Variants in CCDC68 observed in about 807,000 individuals in gnomAD.
CCDC68 encodes coiled-coil domain containing 68.
Under a neutral mutation model 47.1 loss-of-function variants are expected in CCDC68, and 45 were observed. That is an observed-to-expected ratio of 0.96 (90% CI 0.75 to 1.23). CCDC68 has a LOEUF of 1.23. Ranked by LOEUF, CCDC68 falls within the 50% of genes most tolerant of loss-of-function variation. CCDC68 has a pLI of 0.00. For synonymous variants in CCDC68, 131 were observed against 129.5 expected (o/e 1.01, Z -0.08); for missense variants, 353 against 373.6 (o/e 0.94, Z 0.45).
At position 54,942,733 on chromosome 18, in the gene CCDC68, G is replaced by C. The variant is rs776442174; in HGVS notation, c.59C>G (p.Ser20Cys). The change falls in exon 3 of 12, where the codon TCT (serine) becomes TGT (cysteine). Residue 20 changes from serine to cysteine, a missense_variant. Physicochemically the swap from Ser to Cys is moderately radical, Grantham distance 112 (BLOSUM62 -1). Coordinates refer to ENST00000591504, the MANE Select transcript of CCDC68 (RefSeq NM_025214.3). ...AGCGGACGTAGACTCATACAAGGCA[G>C]AATTATCTTCCATCTTATCCCTTGG... ...IPPRDKMEDN[S>C]ALYESTSAHI... 2 of 1,612,522 alleles carry C rather than the reference G, an allele frequency of 1.2e-6. No individual in the cohort carries two copies. The highest frequency in any genetic ancestry group is 1.7e-6 in the Non-Finnish European group (2 of 1,179,238).
chr18:54,950,895 G>GTTT (rs2044605082), intron 1 of CCDC68, among the ~76,000 whole-genome samples: 2 of 82,142 alleles, frequency 2.4e-5, no homozygotes, highest in Non-Finnish European at 4.6e-5. Flanking sequence ...AAATTCAGAT[G>GTTT]TCTTTTTTTT....
intron 11 of CCDC68, among the ~76,000 whole-genome samples, chr18:54,905,209 G>C (rs1348905823): frequency 2.6e-5 from 4 of 151,638 alleles, no homozygotes; most frequent in Non-Finnish European, 5.9e-5. Context: ...AGCTATGATT[G>C]CACTGCTGCA....
chr18:54,940,926 T>C (rs1430254499), intron 4 of CCDC68, 71 bp downstream of exon 4: 1 of 1,043,692 alleles, frequency 9.6e-7, no homozygotes, highest in African/African-American at 1.6e-5. Context: ...TCAAAGAAGT[T>C]AGTAATTGCC....
chr18:54,957,638 C>CTCAT (rs1269031204), intron 1 of CCDC68, among the ~76,000 whole-genome samples: 1 of 151,310 alleles, frequency 6.6e-6, no homozygotes, highest in African/African-American at 2.4e-5. Flanking sequence ...CTCTCTCTCT[C>CTCAT]TCTCTCTCTC....
rs1913852827 is a variant in CCDC68 at position 54,904,274 on chromosome 18, A to AT, written c.*83dup. 1.8e-6 allele frequency: 2 copies of AT among 1,101,392 alleles called. No homozygotes were observed. The highest frequency in any genetic ancestry group is 2.7e-5 in the South Asian group (2 of 75,298). 68.2% of individuals were successfully genotyped at this position (1,101,392 alleles called of 1,614,324 possible). The stretch of plus-strand genomic sequence containing the variant: ...TCCATTTAAATAATGGCATTTTGCC[A>AT]TTTTAACATGAAACTTGGGCTGTGT... On this transcript the variant is annotated 3_prime_UTR_variant, in exon 12 of 12. Coordinates refer to ENST00000591504, the MANE Select transcript of CCDC68 (RefSeq NM_025214.3).
intron 1 of CCDC68, among the ~76,000 whole-genome samples, chr18:54,958,856 C>T (rs1490163475): frequency 1.3e-5 from 2 of 152,170 alleles, no homozygotes; most frequent in Non-Finnish European, 2.9e-5. Flanking sequence ...CTGCAGAAGC[C>T]CGCACAAATG....
chr18:54,955,952 G>C (rs1191099439), intron 1 of CCDC68, among the ~76,000 whole-genome samples: 1 of 150,874 alleles, frequency 6.6e-6, no homozygotes, highest in Non-Finnish European at 1.5e-5. Context: ...TCCAACTCCT[G>C]ACCTCAGGTG....
intron 8 of CCDC68, among the ~76,000 whole-genome samples, chr18:54,925,982 G>A (rs59023949): frequency 0.01 from 1,551 of 152,172 alleles, 35 homozygotes; most frequent in African/African-American, 0.035. Context: ...TTTCATTGGT[G>A]GTACCAAAGG....
intron 11 of CCDC68, among the ~76,000 whole-genome samples, chr18:54,907,388 G>GAGTTGACAACAT (rs1317475977): frequency 6.6e-6 from 1 of 152,052 alleles, no homozygotes; most frequent in Admixed American, 6.6e-5. Flanking sequence ...TAATTTATTA[G>GAGTTGACAACAT]AGTTGACAAC....
chr18:54,902,636 A>G lies in CCDC68; in HGVS notation c.*1722T>C, dbSNP rs1002863871. On this transcript the variant is annotated 3_prime_UTR_variant, in exon 12 of 12. Coordinates refer to ENST00000591504, the MANE Select transcript of CCDC68 (RefSeq NM_025214.3). ...AAAGATCAACTCATTTCAGCAAAAT[A>G]TTGATTTTATCAGTATTTGTTGTTT... is the stretch of plus-strand genomic sequence containing the variant. 2 of 152,262 alleles carry G rather than the reference A, an allele frequency of 1.3e-5. No individual in the cohort carries two copies. Among genetic ancestry groups the G allele is most frequent in the East Asian group, 3.8e-4 (2 of 5,208 alleles). 9.4% of individuals were successfully genotyped at this position (152,262 alleles called of 1,614,324 possible).
intron 1 of CCDC68, chr18:54,958,186 C>A (rs940429954): frequency 2.6e-5 from 4 of 152,194 alleles, no homozygotes; most frequent in African/African-American, 9.7e-5. Context: ...TGTTTTCATT[C>A]TTTCTGCAAA....
chr18:54,921,108 A>G (rs550899595), intron 8 of CCDC68, among the ~76,000 whole-genome samples: 27 of 152,346 alleles, frequency 1.8e-4, no homozygotes, highest in Non-Finnish European at 1.3e-4. Context: ...AAAATCAAAT[A>G]CTGCACAATT....
intron 10 of CCDC68, among the ~76,000 whole-genome samples, chr18:54,911,599 A>C (rs1244967587): frequency 6.6e-6 from 1 of 152,130 alleles, no homozygotes; most frequent in Non-Finnish European, 1.5e-5. Flanking sequence ...AATGAATATA[A>C]ATCTATTATA....
intron 1 of CCDC68, among the ~76,000 whole-genome samples, chr18:54,957,718 G>C (rs889146859): frequency 6.6e-6 from 1 of 151,368 alleles, no homozygotes; most frequent in Admixed American, 6.6e-5. Context: ...TCATTTAAAC[G>C]TGTTAGTAAA....
intron 1 of CCDC68, among the ~76,000 whole-genome samples, chr18:54,950,791 T>TATATATATATATATATATATATATATAC (rs2044601721): frequency 8.0e-6 from 1 of 124,750 alleles, no homozygotes; most frequent in African/African-American, 3.3e-5. Flanking sequence ...CTTCAGTGTA[T>TATATATATATATATATATATATATATAC]ATATATATAT....
chr18:54,912,921 G>A (rs182400755), intron 10 of CCDC68, among the ~76,000 whole-genome samples: 5 of 152,310 alleles, frequency 3.3e-5, no homozygotes, highest in Admixed American at 2.6e-4. Flanking sequence ...GAACAGTACA[G>A]GGGAAACTAT....
chr18:54,927,448 C>T (rs1406343672), intron 8 of CCDC68, among the ~76,000 whole-genome samples: 3 of 151,136 alleles, frequency 2.0e-5, no homozygotes, highest in African/African-American at 7.3e-5. Context: ...TTTTTTAAAA[C>T]ACATTTTTTA....
intron 4 of CCDC68, among the ~76,000 whole-genome samples, chr18:54,938,851 C>T (rs1376716566): frequency 1.3e-5 from 2 of 152,210 alleles, no homozygotes; most frequent in Non-Finnish European, 2.9e-5. Flanking sequence ...ATTACACATA[C>T]ACTACAATTA....
intron 1 of CCDC68, among the ~76,000 whole-genome samples, chr18:54,948,064 C>A (rs1172211719): frequency 6.6e-6 from 1 of 152,202 alleles, no homozygotes; most frequent in Non-Finnish European, 1.5e-5. Context: ...CAGTACTACA[C>A]AATAAACACA....
Sources: allele counts gnomAD v4.1 joint callset (sites outside exome capture counted in the v4.1 genomes callset), GRCh38; gene constraint gnomAD v4.1.1; transcripts MANE v1.5; gene names NCBI Gene and HGNC (gene_info 2026-07-23, HGNC 2026-07-21).